Variants in CADM2 observed in about 807,000 individuals in gnomAD.
CADM2 encodes cell adhesion molecule 2.
A neutral mutation model predicts 49.8 loss-of-function variants in CADM2; 12 were observed. The ratio of observed to expected loss-of-function variants is 0.24; its 90% CI spans 0.15 to 0.39. The LOEUF is 0.39. Ranked by LOEUF, CADM2 falls within the 10% of genes least tolerant of loss-of-function variation. CADM2 has a pLI of 1.00. For synonymous variants in CADM2, 214 were observed against 175.4 expected, an observed-to-expected ratio of 1.22 and a Z score of -1.74; for missense variants, 378 against 492.3, an observed-to-expected ratio of 0.77 and a Z score of 2.20.
intron 1 of CADM2, among the ~76,000 whole-genome samples, chr3:85,403,435 T>A (rs1272810237): frequency 6.6e-6 from 1 of 152,162 alleles, no homozygotes. Context: ...TGCTTGTATA[T>A]GTGTTCATTT....
At chr3:85,374,342 G>A (rs376342489) in intron 1 of CADM2, among the ~76,000 whole-genome samples, 2 of 152,196 alleles carry the variant, frequency 1.3e-5, no homozygotes. Context: ...CCAAAGCATA[G>A]CAAGAGTCAC....
chr3:86,024,900 T>C (rs1246750557), intron 8 of CADM2, among the ~76,000 whole-genome samples: 1 of 151,748 alleles, frequency 6.6e-6, no homozygotes, highest in African/African-American at 2.4e-5. Flanking sequence ...TTTTCTTTCT[T>C]GAGACAGAGT....
intron 1 of CADM2, among the ~76,000 whole-genome samples, chr3:85,104,365 C>T (rs1335204152): frequency 9.3e-5 from 14 of 151,194 alleles, no homozygotes; most frequent in Admixed American, 2.0e-4. Context: ...TGTAGATATG[C>T]GGCGTTATTT....
intron 8 of CADM2, among the ~76,000 whole-genome samples, chr3:86,059,242 C>T (rs902614597): frequency 1.3e-5 from 2 of 152,006 alleles, no homozygotes; most frequent in African/African-American, 2.4e-5. Context: ...ATAGACTAGA[C>T]CCTTGATAGA....
intron 8 of CADM2, among the ~76,000 whole-genome samples, chr3:86,022,526 A>T (rs1431226254): frequency 6.6e-6 from 1 of 152,170 alleles, no homozygotes; most frequent in Non-Finnish European, 1.5e-5. Flanking sequence ...AAAAGCTTAA[A>T]CTTGTTTGTA....
At chr3:85,264,568 A>T (rs2043081519) in intron 1 of CADM2, among the ~76,000 whole-genome samples, 1 of 151,922 alleles carries the variant, frequency 6.6e-6, no homozygotes, top group Admixed American at 6.6e-5. Context: ...TTCTTCATAG[A>T]TTATTGTTAG....
At chr3:85,403,436 G>T (rs983157131) in intron 1 of CADM2, among the ~76,000 whole-genome samples, 8 of 152,046 alleles carry the variant, frequency 5.3e-5, no homozygotes, top group African/African-American at 1.9e-4. Context: ...GCTTGTATAT[G>T]TGTTCATTTT....
chr3:85,522,986 T>C (rs1220216085), intron 1 of CADM2, among the ~76,000 whole-genome samples: 4 of 144,274 alleles, frequency 2.8e-5, no homozygotes, highest in African/African-American at 1.0e-4. Flanking sequence ...GTAGCCTACT[T>C]TTCCAAGAAA....
At chr3:85,580,738 A>G (rs1000694495) in intron 1 of CADM2, among the ~76,000 whole-genome samples, 7 of 152,144 alleles carry the variant, frequency 4.6e-5, no homozygotes, top group Non-Finnish European at 1.5e-5. Context: ...TAATTTTGTT[A>G]AAACTACAAT....
intron 1 of CADM2, among the ~76,000 whole-genome samples, chr3:84,963,936 A>G (rs1045230865): frequency 1.3e-5 from 2 of 152,166 alleles, no homozygotes; most frequent in Admixed American, 6.5e-5. Context: ...AGTGGAGCCT[A>G]TATACTTAAA....
At chr3:85,070,988 C>CAATA (rs375122307) in intron 1 of CADM2, among the ~76,000 whole-genome samples, 70,065 of 143,132 alleles carry the variant, frequency 0.49, 18,102 homozygotes, top group Non-Finnish European at 0.57. Flanking sequence ...AACTCTGTCT[C>CAATA]AATAAATAAA....
Position 85,726,523 on chromosome 3 carries a change from G to A in CADM2, c.63G>A (p.Ala21=), listed in dbSNP as rs774591878. ...TGTGCAACCTTTCCTTGGTACCAGC[G>A]GCTGCTTCAAAGAATAAAGTTAAAG... ...FYSVCGLLLQ[A]AASKNKVKGS... Residue 21 remains alanine (A), a splice_region_variant and synonymous_variant, in exon 2 of 10, where the codon GCG becomes GCA. Coordinates refer to ENST00000383699, the MANE Select transcript of CADM2 (RefSeq NM_001167675.2). 8.7e-6 allele frequency: 14 copies of A among 1,611,982 alleles called. No homozygotes were observed. In the South Asian group the frequency reaches 8.8e-5, roughly 10 times the overall value.
At chr3:85,560,248 G>A (rs72615727) in intron 1 of CADM2, among the ~76,000 whole-genome samples, 1 of 151,964 alleles carries the variant, frequency 6.6e-6, no homozygotes, top group African/African-American at 2.4e-5. Flanking sequence ...TATTCTGCAC[G>A]AGCAGCAGGT....
In CADM2 at chr3:85,115,680, G is replaced by A. The variant is rs574903154; in HGVS notation, c.61+156012G>A. ...AAGCCCAAAATTTTATTATGTCAAG[G>A]TAAAAGGTTATTAATATACAGCTTT... On this transcript the variant is annotated intron_variant, in intron 1 of 9. Transcript: ENST00000383699. Among the ~76,000 whole-genome samples, 18 of 152,250 alleles carry A rather than the reference G, an allele frequency of 1.2e-4. No homozygotes were observed. In the South Asian group the frequency reaches 3.7e-3, roughly 32 times the overall value.
intron 1 of CADM2, among the ~76,000 whole-genome samples, chr3:85,603,583 T>A (rs535267365): frequency 5.3e-5 from 8 of 151,984 alleles, no homozygotes; most frequent in Non-Finnish European, 1.2e-4. Context: ...GGCTATTCAC[T>A]GCTGTTAGTC....
intron 1 of CADM2, among the ~76,000 whole-genome samples, chr3:85,635,249 AC>A (rs1429633559): frequency 6.6e-6 from 1 of 152,104 alleles, no homozygotes; most frequent in Non-Finnish European, 1.5e-5. Flanking sequence ...CTGAGAACAC[AC>A]ACATAAGCGG....
At position 86,025,671 on chromosome 3, in the gene CADM2, T is replaced by C. The variant is rs569376309; in HGVS notation, c.971-39934T>C. Among the ~76,000 whole-genome samples, 291 of 152,298 alleles carry C rather than the reference T, an allele frequency of 1.9e-3. 1 individual carries two copies. The highest frequency in any genetic ancestry group is 6.4e-3 in the African/African-American group (268 of 41,572). ...TAGGAGAAGGTAGGCAGATATTAGATTATAAATTCATAGAGTAATTTATTA... is the reference window on the plus strand; with the variant it reads ...TAGGAGAAGGTAGGCAGATATTAGACTATAAATTCATAGAGTAATTTATTA... On this transcript the variant is annotated intron_variant, in intron 8 of 9. Coordinates refer to ENST00000383699, the MANE Select transcript of CADM2 (RefSeq NM_001167675.2).
chr3:85,230,520 G>A (rs113824409), intron 1 of CADM2, among the ~76,000 whole-genome samples: 1 of 152,154 alleles, frequency 6.6e-6, no homozygotes, highest in African/African-American at 2.4e-5. Context: ...GTGTGAAATT[G>A]TTAATTCGTT....
At chr3:85,959,146 A>ATCTCTCTCTCTCTCTC (rs1157977118) in intron 7 of CADM2, among the ~76,000 whole-genome samples, 3 of 71,946 alleles carry the variant, frequency 4.2e-5, no homozygotes, top group African/African-American at 2.2e-4. Flanking sequence ...ATCTTTATCT[A>ATCTCTCTCTCTCTCTC]TCTATCTCTC....
Sources: allele counts gnomAD v4.1 joint callset (sites outside exome capture counted in the v4.1 genomes callset), GRCh38; gene constraint gnomAD v4.1.1; transcripts MANE v1.5; gene names NCBI Gene and HGNC (gene_info 2026-07-23, HGNC 2026-07-21).